The following COL4A5 variants were observed in gnomAD, a reference collection of about 807,000 sequenced individuals.
COL4A5 encodes collagen type IV alpha 5 chain.
COL4A5 carries 26 observed loss-of-function variants against 130.2 expected under a neutral mutation model. That is an observed-to-expected ratio of 0.20 (90% confidence interval 0.15 to 0.28). COL4A5 has a LOEUF of 0.28. Among genes scored for constraint, COL4A5 ranks in the 10% least tolerant of loss-of-function variants. COL4A5 has a pLI of 1.00. For synonymous variants in COL4A5, 496 were observed against 439.6 expected, an observed-to-expected ratio of 1.13 and a Z score of -1.60; for missense variants, 1,131 against 1,344.3, an observed-to-expected ratio of 0.84 and a Z score of 2.48.
intron 36 of COL4A5, among the ~76,000 whole-genome samples, chrX:108,631,525 T>C (rs1306557841): frequency 3.6e-5 from 4 of 111,362 alleles, no homozygotes; most frequent in Non-Finnish European, 7.5e-5. Context: ...CAACAGAATA[T>C]ACATTCCTCT....
chrX:108,674,906 G>T lies in COL4A5; in HGVS notation c.3808+153G>T, dbSNP rs766929641. 8.3e-5 allele frequency among the ~76,000 whole-genome samples: 9 copies of T among 109,014 alleles called. No homozygotes were observed. The South Asian group carries it at 3.6e-3, about 44-fold the overall frequency. The allele number at this position is 109,014 out of a possible 115,157, so 94.7% of individuals were successfully genotyped here. A position where few individuals can be genotyped will look rare whatever the true frequency, so the allele number is the denominator to read the frequency against. ...GTTTTAACATTTTGATGAAGGTAAT[G>T]TGACTTGATTATAATTAAGTTTCAA... is the stretch of plus-strand genomic sequence containing the variant. On this transcript the variant is annotated intron_variant, in intron 43 of 52. Coordinates refer to ENST00000328300, the MANE Select transcript of COL4A5 (RefSeq NM_033380.3).
At chrX:108,484,069 A>G (rs918787876) in intron 1 of COL4A5, among the ~76,000 whole-genome samples, 1 of 111,822 alleles carries the variant, frequency 8.9e-6, no homozygotes, top group Non-Finnish European at 1.9e-5. Flanking sequence ...TGGGTTTTCT[A>G]TTCACTTTGC....
chrX:108,555,720 T>C (rs1603275181), intron 2 of COL4A5, among the ~76,000 whole-genome samples: 1 of 111,955 alleles, frequency 8.9e-6, no homozygotes, highest in African/African-American at 3.2e-5. Context: ...AACTGTCTTA[T>C]TGTCATTATA....
intron 2 of COL4A5, among the ~76,000 whole-genome samples, chrX:108,547,347 G>A (rs1432593096): frequency 3.6e-5 from 4 of 112,094 alleles, no homozygotes; most frequent in Non-Finnish European, 7.5e-5. Context: ...CTCAGCTGCA[G>A]GTCTGTTGGA....
At chrX:108,660,941 A>G (rs2067945559) in intron 37 of COL4A5, among the ~76,000 whole-genome samples, 1 of 112,032 alleles carries the variant, frequency 8.9e-6, no homozygotes, top group Non-Finnish European at 1.9e-5. Flanking sequence ...GTAACATTGT[A>G]TCACATTTAT....
intron 1 of COL4A5, among the ~76,000 whole-genome samples, chrX:108,517,299 C>T (rs890520422): frequency 3.6e-5 from 4 of 111,665 alleles, no homozygotes; most frequent in African/African-American, 1.3e-4. Context: ...GTCCATCTCT[C>T]CCCATTCCCA....
At chrX:108,591,787 C>A in intron 21 of COL4A5, 143 bp downstream of exon 21, 2 of 489,920 alleles carry the variant, frequency 4.1e-6, no homozygotes, top group Non-Finnish European at 3.6e-6. Context: ...TAGTGTTATA[C>A]TTACATGACC....
intron 36 of COL4A5, among the ~76,000 whole-genome samples, chrX:108,633,822 C>T (rs1418582772): frequency 4.5e-5 from 5 of 111,386 alleles, no homozygotes; most frequent in Non-Finnish European, 9.5e-5. Context: ...CATTATTATA[C>T]CTTAAAATAG....
chrX:108,668,351 C>A lies in COL4A5; in HGVS notation c.3637C>A (p.Pro1213Thr). The change falls in exon 41 of 53, where the codon CCA becomes ACA. Residue 1213 changes from proline (P) to threonine (T), a missense_variant. Physicochemically the swap from Pro to Thr is conservative, Grantham distance 38. Transcript: ENST00000328300. ...QKGDGGLPGI[P>T]GNPGLPGPKG... ...GGGTGATGGAGGATTACCTGGGATTCCAGGAAATCCTGGCCTTCCAGGTCC... is the reference window on the plus strand; with the variant it reads ...GGGTGATGGAGGATTACCTGGGATTACAGGAAATCCTGGCCTTCCAGGTCC... 1 of 1,211,168 alleles carries A rather than the reference C, an allele frequency of 8.3e-7. No homozygotes were observed. The highest frequency in any genetic ancestry group is 1.7e-5 in the African/African-American group (1 of 57,767).
chrX:108,570,172 T>A (rs954000151), intron 6 of COL4A5, among the ~76,000 whole-genome samples: 12 of 111,463 alleles, frequency 1.1e-4, no homozygotes, highest in Admixed American at 1.9e-4. Flanking sequence ...TAATAATTTT[T>A]AAAAAAAATT....
At chrX:108,606,676 T>C in intron 28 of COL4A5, 66 bp from the exon 29 acceptor site, 2 of 1,142,403 alleles carry the variant, frequency 1.8e-6, no homozygotes, top group Non-Finnish European at 1.2e-6. Flanking sequence ...AAATTCTCTG[T>C]GGCAAACAAT....
chrX:108,586,937 A>G, intron 19 of COL4A5, among the ~76,000 whole-genome samples, 190 bp downstream of exon 19: 1 of 110,931 alleles, frequency 9.0e-6, no homozygotes, highest in South Asian at 3.8e-4. Context: ...AAAAAGCCCA[A>G]GTGAATAGTG....
chrX:108,550,320 G>A (rs746657632), intron 2 of COL4A5, among the ~76,000 whole-genome samples: 1 of 111,887 alleles, frequency 8.9e-6, no homozygotes, highest in Admixed American at 9.4e-5. Context: ...TAAAGTGGAT[G>A]ATTGGTTGTG....
intron 36 of COL4A5, among the ~76,000 whole-genome samples, chrX:108,652,376 A>G (rs1423352274): frequency 8.9e-6 from 1 of 112,849 alleles, no homozygotes; most frequent in Non-Finnish European, 1.9e-5. Context: ...TTGTAAAAAC[A>G]TTAACAATTA....
chrX:108,468,755 G>T (rs1191384813), intron 1 of COL4A5, among the ~76,000 whole-genome samples: 2 of 109,414 alleles, frequency 1.8e-5, no homozygotes, highest in African/African-American at 3.3e-5. Flanking sequence ...GTTGGATGTG[G>T]TTTGCTAGCA....
intron 1 of COL4A5, among the ~76,000 whole-genome samples, chrX:108,475,016 G>A (rs760447534): frequency 4.5e-5 from 5 of 111,241 alleles, no homozygotes; most frequent in Non-Finnish European, 9.4e-5. Context: ...TATATATATT[G>A]ACATCTGGTA....
intron 36 of COL4A5, among the ~76,000 whole-genome samples, chrX:108,628,846 T>G (rs1427191805): frequency 8.9e-6 from 1 of 111,936 alleles, no homozygotes; most frequent in Non-Finnish European, 1.9e-5. Context: ...GTGCTGGAGA[T>G]ACAGCCTGAA....
chrX:108,565,174 A>T lies in COL4A5; in HGVS notation c.276+1248A>T, dbSNP rs187378871. The stretch of plus-strand genomic sequence containing the variant: ...TTGCTTGGATACTCCATGTCCCTCA[A>T]CTAGAACTCCAAGAGTGCTTGGGAA... On this transcript the variant is annotated intron_variant, in intron 4 of 52. Transcript: ENST00000328300. Among the ~76,000 whole-genome samples, 101 of 111,470 alleles carry T rather than the reference A, an allele frequency of 9.1e-4. No individual in the cohort carries two copies. The East Asian group carries it at 0.026, about 29-fold the overall frequency.
At chrX:108,634,645 A>T (rs1049198127) in intron 36 of COL4A5, among the ~76,000 whole-genome samples, 5 of 111,930 alleles carry the variant, frequency 4.5e-5, no homozygotes. Context: ...TTACAATGAA[A>T]TAAATCACTT....
Sources: allele counts gnomAD v4.1 joint callset (sites outside exome capture counted in the v4.1 genomes callset), GRCh38; gene constraint gnomAD v4.1.1; transcripts MANE v1.5; gene names NCBI Gene and HGNC (gene_info 2026-07-23, HGNC 2026-07-21).